Variants in GUCY1A2 observed in about 807,000 individuals in gnomAD.
GUCY1A2 encodes guanylate cyclase soluble subunit alpha-2.
A neutral mutation model predicts 63.5 loss-of-function variants in GUCY1A2; 27 were observed. The ratio of observed to expected loss-of-function variants is 0.43; its 90% confidence interval spans 0.31 to 0.59. The LOEUF (loss-of-function observed/expected upper bound fraction) is 0.59, where lower values mean the gene tolerates loss of function less well. Among genes scored for constraint, GUCY1A2 ranks in the 20% least tolerant of loss-of-function variants. GUCY1A2 has a pLI of 0.11. For missense variants in GUCY1A2, 768 were observed against 913.3 expected (o/e 0.84, Z 2.05); for synonymous variants, 364 against 343.5 (o/e 1.06, Z -0.66).
chr11:106,705,586 C>T (rs1166474169), intron 7 of GUCY1A2, among the ~76,000 whole-genome samples: 1 of 151,974 alleles, frequency 6.6e-6, no homozygotes, highest in Non-Finnish European at 1.5e-5. Context: ...TGAGGCAGGG[C>T]GCAGTGGCTC....
rs750708839 is a variant in GUCY1A2 at position 107,018,094 on chromosome 11, G to A, written c.-39C>T. The A allele has an allele frequency of 1.6e-5, 22 of 1,357,554 alleles. No homozygotes were observed. The highest frequency in any genetic ancestry group is 3.1e-5 in the African/African-American group (2 of 65,518). 84.1% of individuals were successfully genotyped at this position (1,357,554 alleles called of 1,614,324 possible). A position where few individuals can be genotyped will look rare whatever the true frequency, so the allele number is the denominator to read the frequency against. On this transcript the variant is annotated 5_prime_UTR_variant, in exon 1 of 8. Transcript: ENST00000526355. ...CTGCAGCGGCCGAGGCGGTGGCGGC[G>A]AGGACGCGAGCGGCGGCGGAGGCGG... is the stretch of plus-strand genomic sequence containing the variant.
intron 6 of GUCY1A2, among the ~76,000 whole-genome samples, chr11:106,712,490 T>C (rs1863137351): frequency 6.6e-6 from 1 of 152,192 alleles, no homozygotes; most frequent in Non-Finnish European, 1.5e-5. Context: ...TGGATTAATT[T>C]TTCTCTTCAT....
intron 6 of GUCY1A2, 110 bp from the exon 7 acceptor site, chr11:106,708,776 G>C: frequency 3.1e-6 from 2 of 651,250 alleles, no homozygotes; most frequent in Non-Finnish European, 2.3e-6. Context: ...AAAAAACTAT[G>C]AGCTCCTCAA....
At chr11:106,858,710 C>CT (rs1045596889) in intron 4 of GUCY1A2, among the ~76,000 whole-genome samples, 1 of 152,036 alleles carries the variant, frequency 6.6e-6, no homozygotes, top group African/African-American at 2.4e-5. Context: ...CTTTGACAAC[C>CT]TTTGTTGGTA....
At chr11:106,966,021 C>T (rs1324882912) in intron 3 of GUCY1A2, among the ~76,000 whole-genome samples, 2 of 152,056 alleles carry the variant, frequency 1.3e-5, no homozygotes, top group African/African-American at 4.8e-5. Flanking sequence ...CTATGAGTTG[C>T]TTAAATGGAT....
At chr11:106,953,525 C>T (rs1411766218) in intron 3 of GUCY1A2, among the ~76,000 whole-genome samples, 3 of 152,122 alleles carry the variant, frequency 2.0e-5, no homozygotes, top group African/African-American at 7.2e-5. Flanking sequence ...CAGGATGATG[C>T]TGGCTTCATA....
chr11:106,868,695 A>G (rs1859630028), intron 4 of GUCY1A2, among the ~76,000 whole-genome samples: 1 of 152,236 alleles, frequency 6.6e-6, no homozygotes. Flanking sequence ...GGTAATTTAT[A>G]GATTCAATGC....
At chr11:106,924,998 T>A (rs1156920034) in intron 4 of GUCY1A2, among the ~76,000 whole-genome samples, 1 of 151,776 alleles carries the variant, frequency 6.6e-6, no homozygotes, top group Non-Finnish European at 1.5e-5. Flanking sequence ...CAGAGCAAGA[T>A]CCTGTCTCAA....
intron 7 of GUCY1A2, among the ~76,000 whole-genome samples, chr11:106,698,358 A>G (rs1862758953): frequency 6.6e-6 from 1 of 151,482 alleles, no homozygotes. Context: ...CCTGAACTCA[A>G]GTGATCCTCT....
chr11:106,788,296 T>C (rs756920342), intron 5 of GUCY1A2, among the ~76,000 whole-genome samples: 33 of 152,172 alleles, frequency 2.2e-4, no homozygotes, highest in Non-Finnish European at 4.1e-4. Flanking sequence ...TAATCTCTTG[T>C]TAGATGGGTA....
At chr11:106,709,957 G>T (rs376130667) in intron 6 of GUCY1A2, among the ~76,000 whole-genome samples, 1 of 98,650 alleles carries the variant, frequency 1.0e-5, no homozygotes, top group Non-Finnish European at 1.9e-5. Flanking sequence ...ATAACATATA[G>T]TTATATATAA....
intron 3 of GUCY1A2, among the ~76,000 whole-genome samples, chr11:106,947,710 T>C (rs1198333918): frequency 6.6e-6 from 1 of 152,030 alleles, no homozygotes; most frequent in Non-Finnish European, 1.5e-5. Flanking sequence ...AGTTAAGCAA[T>C]ACATTCTCTT....
intron 7 of GUCY1A2, among the ~76,000 whole-genome samples, chr11:106,698,064 A>G (rs1862749749): frequency 6.6e-6 from 1 of 151,068 alleles, no homozygotes; most frequent in Non-Finnish European, 1.5e-5. Context: ...ATAATATATA[A>G]GATCCTCTGT....
At chr11:106,719,970 T>C (rs967099556) in intron 6 of GUCY1A2, among the ~76,000 whole-genome samples, 4 of 152,224 alleles carry the variant, frequency 2.6e-5, no homozygotes, top group Non-Finnish European at 5.9e-5. Context: ...CATATACACA[T>C]ATATACTACT....
At chr11:106,786,686 ATTTC>A (rs1864560799) in intron 5 of GUCY1A2, among the ~76,000 whole-genome samples, 1 of 152,142 alleles carries the variant, frequency 6.6e-6, no homozygotes, top group East Asian at 1.9e-4. Flanking sequence ...GCAATTCAAA[ATTTC>A]TTTCTGACAG....
intron 3 of GUCY1A2, among the ~76,000 whole-genome samples, chr11:106,945,202 A>C (rs925030702): frequency 2.0e-5 from 3 of 152,000 alleles, no homozygotes; most frequent in Non-Finnish European, 4.4e-5. Flanking sequence ...AAGTTGCAAG[A>C]GAAAACAGGT....
At chr11:106,995,115 C>A (rs1262404848) in intron 1 of GUCY1A2, among the ~76,000 whole-genome samples, 1 of 152,058 alleles carries the variant, frequency 6.6e-6, no homozygotes, top group Non-Finnish European at 1.5e-5. Flanking sequence ...AGCCCAAAAC[C>A]AAACAAAACT....
chr11:106,772,031 TTTAC>T (rs1864266814), intron 6 of GUCY1A2, among the ~76,000 whole-genome samples: 1 of 152,136 alleles, frequency 6.6e-6, no homozygotes. Flanking sequence ...TGAACAATAA[TTTAC>T]TTGAGTATTT....
intron 4 of GUCY1A2, among the ~76,000 whole-genome samples, chr11:106,818,432 A>G (rs369013632): frequency 1.4e-4 from 22 of 152,256 alleles, no homozygotes; most frequent in African/African-American, 5.3e-4. Flanking sequence ...GAACTTAATC[A>G]GTCAACATCG....
Sources: allele counts gnomAD v4.1 joint callset (sites outside exome capture counted in the v4.1 genomes callset), GRCh38; gene constraint gnomAD v4.1.1; transcripts MANE v1.5; gene names NCBI Gene and HGNC (gene_info 2026-07-23, HGNC 2026-07-21).